The following CPNE3 variants were observed in gnomAD, a reference collection of about 807,000 sequenced individuals.
CPNE3 encodes copine 3.
A neutral mutation model predicts 63.9 loss-of-function variants in CPNE3; 68 were observed. That is an observed-to-expected ratio of 1.06 (90% CI 0.87 to 1.30). The LOEUF (loss-of-function observed/expected upper bound fraction) is 1.30, where lower values mean the gene tolerates loss of function less well. Among genes scored for constraint, CPNE3 ranks in the 50% most tolerant of loss-of-function variants. The pLI, the probability that CPNE3 is intolerant of heterozygous loss-of-function variation, is 0.00. For synonymous variants in CPNE3, 219 were observed against 197.5 expected (o/e 1.11, Z -0.91); for missense variants, 665 against 578.1 (o/e 1.15, Z -1.54).
chr8:86,557,565 CT>C (rs759339962), intron 16 of CPNE3, among the ~76,000 whole-genome samples: 4 of 152,120 alleles, frequency 2.6e-5, no homozygotes, highest in Admixed American at 1.3e-4. Context: ...TCTAAAGTGG[CT>C]ATATCATTTA....
chr8:86,528,836 A>C (rs1330378654), intron 3 of CPNE3, 109 bp from the exon 4 acceptor site: 1 of 1,305,328 alleles, frequency 7.7e-7, no homozygotes, highest in Admixed American at 2.5e-5. Context: ...CACATATAGA[A>C]ACTTCCTTTA....
intron 6 of CPNE3, among the ~76,000 whole-genome samples, chr8:86,534,953 T>C (rs1820771867): frequency 6.6e-6 from 1 of 152,220 alleles, no homozygotes; most frequent in African/African-American, 2.4e-5. Flanking sequence ...TTTAAATATT[T>C]ATAACTGTAA....
chr8:86,546,495 T>C, intron 9 of CPNE3, 100 bp from the exon 10 acceptor site: 1 of 1,170,160 alleles, frequency 8.5e-7, no homozygotes, highest in Non-Finnish European at 1.2e-6. Flanking sequence ...CATCAGTAGG[T>C]AGTTTGATTC....
chr8:86,557,660 T>G (rs1821351780), intron 16 of CPNE3, among the ~76,000 whole-genome samples: 1 of 152,140 alleles, frequency 6.6e-6, no homozygotes, highest in Admixed American at 6.5e-5. Flanking sequence ...TTTGTGGTGT[T>G]GAGGCAGTTC....
chr8:86,547,823 A>G (rs1353765985), intron 11 of CPNE3, 53 bp downstream of exon 11: 1 of 860,214 alleles, frequency 1.2e-6, no homozygotes, highest in African/African-American at 1.7e-5. Context: ...ATGTTGCAGT[A>G]TATTTTCTTT....
chr8:86,542,253 C>G (rs890935871), intron 8 of CPNE3, among the ~76,000 whole-genome samples: 1 of 152,044 alleles, frequency 6.6e-6, no homozygotes, highest in East Asian at 1.9e-4. Flanking sequence ...TCTTACTGTT[C>G]GAAAATTGCT....
intron 6 of CPNE3, among the ~76,000 whole-genome samples, chr8:86,534,587 C>T (rs549192868): frequency 5.3e-5 from 8 of 152,040 alleles, no homozygotes; most frequent in East Asian, 3.9e-4. Flanking sequence ...ACCTGGGAGG[C>T]GGAGGTTGCA....
At position 86,524,652 on chromosome 8, in the gene CPNE3, A is replaced by C. The variant is rs1820500396; in HGVS notation, c.-10-3884A>C. The C allele has an allele frequency of 2.0e-5, 3 of 149,010 alleles. No homozygotes were observed. The South Asian group carries it at 6.4e-4, about 32-fold the overall frequency. The allele number at this position is 149,010 out of a possible 1,614,324, so 9.2% of individuals were successfully genotyped here. The stretch of plus-strand genomic sequence containing the variant: ...AAATCTTTCATACTAAAAGAGTATA[A>C]AACGTTTGTTTTATTTTTCCTCATC... On this transcript the variant is annotated intron_variant, in intron 2 of 16. Coordinates refer to ENST00000517490, the MANE Select transcript of CPNE3 (RefSeq NM_003909.5).
chr8:86,518,804 A>T (rs1820370036), intron 2 of CPNE3, among the ~76,000 whole-genome samples: 1 of 151,870 alleles, frequency 6.6e-6, no homozygotes, highest in South Asian at 2.1e-4. Flanking sequence ...ATGGGACCTC[A>T]CTCTGCCACC....
At position 86,547,851 on chromosome 8, in the gene CPNE3, T is replaced by C. The variant is rs1821089144; in HGVS notation, c.879+81T>C. 13 of 750,328 alleles carry C rather than the reference T, an allele frequency of 1.7e-5. No homozygotes were observed. In the South Asian group the frequency reaches 2.0e-4, roughly 12 times the overall value. 46.5% of individuals were successfully genotyped at this position (750,328 alleles called of 1,614,324 possible). On this transcript the variant is annotated intron_variant, in intron 11 of 16. Coordinates refer to ENST00000517490, the MANE Select transcript of CPNE3 (RefSeq NM_003909.5). ...TTTTCTTTCACTGCAAAACTGACTT[T>C]GTAATGAAATTTTCACAATCTGTTT...
rs761404417 is a variant in CPNE3, at chr8:86,531,212, G to A, written c.370G>A (p.Gly124Arg). The part of the protein sequence containing the change: ...PLVMKTGRPA[G>R]KGSITISAEE... ...GGTGATGAAAACTGGCAGACCTGCA[G>A]GAAAAGGGAGCATTACGGTAAAAAT... The change falls in exon 5 of 17, where the codon GGA (glycine) becomes AGA (arginine). Residue 124 changes from glycine to arginine, a missense_variant. Coordinates refer to ENST00000517490, the MANE Select transcript of CPNE3 (RefSeq NM_003909.5). The A allele has an allele frequency of 4.0e-6, 5 of 1,240,498 alleles. No homozygotes were observed. The East Asian group carries it at 1.2e-4, about 29-fold the overall frequency. 76.8% of individuals were successfully genotyped at this position (1,240,498 alleles called of 1,614,324 possible). A position where few individuals can be genotyped will look rare whatever the true frequency, so the allele number is the denominator to read the frequency against.
At chr8:86,536,539 A>G (rs1820807638) in intron 6 of CPNE3, among the ~76,000 whole-genome samples, 1 of 152,016 alleles carries the variant, frequency 6.6e-6, no homozygotes, top group African/African-American at 2.4e-5. Flanking sequence ...ACTGTACCAA[A>G]TATCTTATTT....
At chr8:86,528,066 A>G (rs1025705923) in intron 2 of CPNE3, among the ~76,000 whole-genome samples, 1 of 146,896 alleles carries the variant, frequency 6.8e-6, no homozygotes, top group African/African-American at 2.5e-5. Context: ...CTCTTGCCTC[A>G]GCCTTCCTAG....
At chr8:86,552,958 G>GCCC (rs1402912128) in intron 14 of CPNE3, among the ~76,000 whole-genome samples, 1 of 3,232 alleles carries the variant, frequency 3.1e-4, no homozygotes, top group African/African-American at 4.0e-4. Context: ...TCCTGCCACA[G>GCCC]CCCGCCCCCC....
intron 7 of CPNE3, among the ~76,000 whole-genome samples, chr8:86,539,501 T>C (rs1409505469): frequency 1.3e-5 from 2 of 152,132 alleles, no homozygotes; most frequent in Non-Finnish European, 2.9e-5. Flanking sequence ...TGTATGTATA[T>C]ATGGTATTAA....
At chr8:86,532,937 A>T (rs184945328) in intron 6 of CPNE3, among the ~76,000 whole-genome samples, 1 of 151,734 alleles carries the variant, frequency 6.6e-6, no homozygotes, top group African/African-American at 2.4e-5. Flanking sequence ...TCAAAGGTCA[A>T]TTTTTTTTTA....
intron 2 of CPNE3, among the ~76,000 whole-genome samples, chr8:86,521,874 T>C (rs1373400729): frequency 1.3e-5 from 2 of 152,192 alleles, no homozygotes; most frequent in Non-Finnish European, 2.9e-5. Context: ...CTGTGACATA[T>C]GGACCTTCCA....
intron 2 of CPNE3, 70 bp from the exon 3 acceptor site, chr8:86,528,466 T>C: frequency 6.4e-7 from 1 of 1,564,426 alleles, no homozygotes; most frequent in Non-Finnish European, 8.7e-7. Context: ...GTCACCTGTT[T>C]TTGTTAGGAA....
Position 86,544,807 on chromosome 8 carries a change from C to A in CPNE3, c.701C>A (p.Thr234Lys). The A allele has an allele frequency of 6.3e-7, 1 of 1,595,378 alleles. No individual in the cohort carries two copies. The highest frequency in any genetic ancestry group is 8.5e-7 in the Non-Finnish European group (1 of 1,170,172). ...ATTGGAACATTTCAGACCACCATGACAAAACTGAAAGAAGCCTCCAGAAGC... is the reference window on the plus strand; with the variant it reads ...ATTGGAACATTTCAGACCACCATGAAAAAACTGAAAGAAGCCTCCAGAAGC... The part of the protein sequence containing the change: ...DLIGTFQTTM[T>K]KLKEASRSSP... Residue 234 changes from threonine to lysine, a missense_variant, in exon 9 of 17, where the codon ACA (threonine) becomes AAA (lysine). Thr to Lys is a moderately conservative substitution (Grantham distance 78). Coordinates refer to ENST00000517490, the MANE Select transcript of CPNE3 (RefSeq NM_003909.5).
Sources: gnomAD v4.1 joint callset for allele counts (sites outside exome capture counted in the v4.1 genomes callset) on GRCh38, gnomAD v4.1.1 for gene constraint, MANE v1.5 for transcripts, NCBI Gene and HGNC (gene_info 2026-07-23, HGNC 2026-07-21) for gene names.